The following AP2B1 variants were observed in gnomAD, a reference collection of about 807,000 sequenced individuals.
The protein encoded by AP2B1 is adaptor related protein complex 2 subunit beta 1.
Under a neutral mutation model 102.0 loss-of-function variants are expected in AP2B1, and 23 were observed. The ratio of observed to expected loss-of-function variants is 0.23; its 90% CI spans 0.16 to 0.32. The LOEUF (loss-of-function observed/expected upper bound fraction) is 0.32, where lower values mean the gene tolerates loss of function less well. Ranked by LOEUF, AP2B1 falls within the 10% of genes least tolerant of loss-of-function variation. The pLI, the probability that AP2B1 is intolerant of heterozygous loss-of-function variation, is 1.00. For missense variants in AP2B1, 541 were observed against 1,157.4 expected, an observed-to-expected ratio of 0.47 and a Z score of 7.73; for synonymous variants, 381 against 421.2, an observed-to-expected ratio of 0.90 and a Z score of 1.17.
chr17:35,683,321 A>G (rs1238699347), intron 18 of AP2B1, among the ~76,000 whole-genome samples: 1 of 152,242 alleles, frequency 6.6e-6, no homozygotes, highest in Non-Finnish European at 1.5e-5. Context: ...TGACATAGAT[A>G]TTCATTCTTT....
At chr17:35,687,875 A>G (rs587725383) in intron 18 of AP2B1, among the ~76,000 whole-genome samples, 56 of 152,310 alleles carry the variant, frequency 3.7e-4, no homozygotes, top group African/African-American at 1.3e-3. Flanking sequence ...TTATGACTGC[A>G]TATATTCTTT....
At chr17:35,597,121 A>G in intron 2 of AP2B1, 1 of 514,604 alleles carries the variant, frequency 1.9e-6, no homozygotes, top group Admixed American at 3.1e-5. Context: ...CGACCTCCGG[A>G]AGCGGAGACT....
intron 5 of AP2B1, among the ~76,000 whole-genome samples, chr17:35,616,946 A>C (rs759246498): frequency 1.3e-5 from 2 of 152,226 alleles, no homozygotes; most frequent in Non-Finnish European, 2.9e-5. Flanking sequence ...GGAGATTACA[A>C]ATAGTGCTTC....
intron 1 of AP2B1, among the ~76,000 whole-genome samples, chr17:35,591,500 A>C (rs1048087641): frequency 2.6e-5 from 4 of 152,198 alleles, no homozygotes; most frequent in Admixed American, 1.3e-4. Context: ...TGTATGTATA[A>C]GAGGCTTTTC....
At chr17:35,611,773 G>A (rs2073873388) in intron 5 of AP2B1, among the ~76,000 whole-genome samples, 1 of 152,074 alleles carries the variant, frequency 6.6e-6, no homozygotes, top group Non-Finnish European at 1.5e-5. Flanking sequence ...AGATTCACTA[G>A]TCATCAATAC....
In AP2B1 at chr17:35,670,066, A is replaced by G. The variant is rs1436305078; in HGVS notation, c.1990-791A>G. Among the ~76,000 whole-genome samples, 4 of 152,110 alleles carry G rather than the reference A, an allele frequency of 2.6e-5. No individual in the cohort carries two copies. The East Asian group carries it at 5.8e-4, about 22-fold the overall frequency. ...GAATTATATCTATCAGAATCCTGAGAAAAAAAGCAAGACTAAGACCATGTG... is the reference window on the plus strand; with the variant it reads ...GAATTATATCTATCAGAATCCTGAGGAAAAAAGCAAGACTAAGACCATGTG... On this transcript the variant is annotated intron_variant, in intron 14 of 21. Coordinates refer to ENST00000610402, the MANE Select transcript of AP2B1 (RefSeq NM_001030006.2).
At chr17:35,704,762 G>T (rs1016159587) in intron 18 of AP2B1, among the ~76,000 whole-genome samples, 1 of 152,168 alleles carries the variant, frequency 6.6e-6, no homozygotes, top group Admixed American at 6.5e-5. Flanking sequence ...GCTGGGTGCG[G>T]TGGCTCACGC....
intron 9 of AP2B1, among the ~76,000 whole-genome samples, chr17:35,629,299 GC>G (rs1339664752): frequency 6.6e-6 from 1 of 151,940 alleles, no homozygotes; most frequent in Non-Finnish European, 1.5e-5. Flanking sequence ...TCTTTATCAT[GC>G]CCCTATATTA....
chr17:35,626,968 A>G, intron 7 of AP2B1, 126 bp downstream of exon 7: 1 of 937,506 alleles, frequency 1.1e-6, no homozygotes, highest in Non-Finnish European at 1.6e-6. Context: ...TATATGGCAG[A>G]AAAACTTGCT....
At chr17:35,704,932 G>C (rs1275156559) in intron 18 of AP2B1, among the ~76,000 whole-genome samples, 1 of 152,202 alleles carries the variant, frequency 6.6e-6, no homozygotes, top group Non-Finnish European at 1.5e-5. Flanking sequence ...TCAGGAGGCT[G>C]AGGCAGGAGA....
At chr17:35,617,098 T>G (rs1209255469) in intron 5 of AP2B1, among the ~76,000 whole-genome samples, 2 of 152,150 alleles carry the variant, frequency 1.3e-5, no homozygotes, top group Non-Finnish European at 2.9e-5. Context: ...CTCTGTCGCG[T>G]AGGCTGGAGT....
At chr17:35,671,930 T>C (rs780767109) in intron 16 of AP2B1, 30 bp downstream of exon 16, 2 of 1,608,962 alleles carry the variant, frequency 1.2e-6, no homozygotes, top group Non-Finnish European at 1.7e-6. Context: ...AGCAATACTT[T>C]CTTAATGGAC....
At chr17:35,699,845 C>T (rs1466009814) in intron 18 of AP2B1, among the ~76,000 whole-genome samples, 1 of 152,032 alleles carries the variant, frequency 6.6e-6, no homozygotes, top group Non-Finnish European at 1.5e-5. Context: ...GTGGGAGGAT[C>T]GCTTGGGGTC....
At chr17:35,664,918 A>G (rs2075432106) in intron 14 of AP2B1, among the ~76,000 whole-genome samples, 1 of 152,068 alleles carries the variant, frequency 6.6e-6, no homozygotes, top group Non-Finnish European at 1.5e-5. Context: ...TCAGGAAGTA[A>G]TCCGTTCCAT....
At chr17:35,670,804 T>G in intron 14 of AP2B1, 53 bp from the exon 15 acceptor site, 1 of 1,569,414 alleles carries the variant, frequency 6.4e-7, no homozygotes, top group Non-Finnish European at 8.8e-7. Context: ...GCATCTAGTA[T>G]TTAGCTAAAT....
chr17:35,661,842 G>A (rs540777391), intron 14 of AP2B1, among the ~76,000 whole-genome samples: 1 of 152,178 alleles, frequency 6.6e-6, no homozygotes, highest in East Asian at 1.9e-4. Context: ...ATAAAATTCG[G>A]CCAGCGTTAA....
chr17:35,609,576 T>G (rs1332458233), intron 5 of AP2B1, among the ~76,000 whole-genome samples: 1 of 152,166 alleles, frequency 6.6e-6, no homozygotes, highest in Non-Finnish European at 1.5e-5. Context: ...CTTGATCTCC[T>G]GACCTCGTGA....
chr17:35,624,516 T>A lies in AP2B1; in HGVS notation c.645T>A (p.Thr215=). Residue 215 remains threonine, a synonymous_variant, in exon 6 of 22, where the codon ACT becomes ACA. Transcript: ENST00000610402. ...NKLLTALNEC[T]EWGQIFILDC... ...TGCTGACAGCCCTGAATGAATGCAC[T>A]GAATGGGGCCAGATTTTCATCCTGG... 6.2e-7 allele frequency: 1 copy of A among 1,614,196 alleles called. No homozygotes were observed. The highest frequency in any genetic ancestry group is 8.5e-7 in the Non-Finnish European group (1 of 1,180,016).
chr17:35,718,190 T>TC (rs1555591050), intron 21 of AP2B1, among the ~76,000 whole-genome samples: 27 of 152,138 alleles, frequency 1.8e-4, no homozygotes, highest in Non-Finnish European at 3.4e-4. Flanking sequence ...TGTGACCCGT[T>TC]CCTTAATTTT....
Sources: allele counts gnomAD v4.1 joint callset (sites outside exome capture counted in the v4.1 genomes callset), GRCh38; gene constraint gnomAD v4.1.1; transcripts MANE v1.5; gene names NCBI Gene and HGNC (gene_info 2026-07-23, HGNC 2026-07-21).